The following MAP3K9 variants were observed in gnomAD, a reference collection of about 807,000 sequenced individuals.
MAP3K9 encodes mixed lineage kinase 1 (tyr and ser/thr specificity).
In MAP3K9, 46 loss-of-function variants were observed where a neutral mutation model predicts 95.8. The ratio of observed to expected loss-of-function variants is 0.48; its 90% CI spans 0.38 to 0.61. The LOEUF (loss-of-function observed/expected upper bound fraction) is 0.61. Among genes scored for constraint, MAP3K9 ranks in the 20% least tolerant of loss-of-function variants. The pLI, the probability that MAP3K9 is intolerant of heterozygous loss-of-function variation, is 0.00. For synonymous variants in MAP3K9, 533 were observed against 593.8 expected (o/e 0.90, Z 1.49); for missense variants, 1,296 against 1,474.3 (o/e 0.88, Z 1.98).
At chr14:70,774,971 A>G (rs2054576930) in intron 2 of MAP3K9, among the ~76,000 whole-genome samples, 1 of 116,166 alleles carries the variant, frequency 8.6e-6, no homozygotes, top group Non-Finnish European at 1.7e-5. Flanking sequence ...AGACAGAGTG[A>G]GACTCTGTCC....
chr14:70,752,191 T>C (rs897923077), intron 3 of MAP3K9, among the ~76,000 whole-genome samples: 3 of 152,236 alleles, frequency 2.0e-5, no homozygotes, highest in African/African-American at 4.8e-5. Context: ...GGGAATAGCA[T>C]TGGATACTTT....
At position 70,730,713 on chromosome 14, in the gene MAP3K9, C is replaced by T; in HGVS notation, c.2982G>A (p.Arg994=). ...ERPKTLEFLP[R]PRPSANRQRL... is the part of the protein sequence containing the mutation. ...GTTGCCGGTTGGCAGAAGGACGCGG[C>T]CGAGGCAGAAACTCCAGAGTCTTGG... The change falls in exon 12 of 12, where the codon CGG becomes CGA. Residue 994 remains arginine (R), a synonymous_variant. Transcript: ENST00000554752. 1 of 1,613,822 alleles carries T rather than the reference C, an allele frequency of 6.2e-7. No homozygotes were observed. The highest frequency in any genetic ancestry group is 1.7e-5 in the Admixed American group (1 of 60,012).
At chr14:70,783,909 T>C (rs1478710599) in intron 2 of MAP3K9, among the ~76,000 whole-genome samples, 1 of 152,234 alleles carries the variant, frequency 6.6e-6, no homozygotes, top group Non-Finnish European at 1.5e-5. Flanking sequence ...ATATTACTTT[T>C]CTGGTTAAAA....
At chr14:70,806,264 A>C (rs1390549873) in intron 1 of MAP3K9, among the ~76,000 whole-genome samples, 2 of 152,212 alleles carry the variant, frequency 1.3e-5, no homozygotes, top group African/African-American at 4.8e-5. Flanking sequence ...CACTGCACTG[A>C]AGTTTTATAT....
chr14:70,808,603 A>C (rs2055021304), intron 1 of MAP3K9, among the ~76,000 whole-genome samples, 163 bp downstream of exon 1: 1 of 151,806 alleles, frequency 6.6e-6, no homozygotes, highest in Non-Finnish European at 1.5e-5. Flanking sequence ...TTATCCAGCA[A>C]GCAAAGCCCG....
Position 70,809,269 on chromosome 14 carries a change from C to CA in MAP3K9, c.-99_-98insT, listed in dbSNP as rs940420123. 1.2e-5 allele frequency: 15 copies of CA among 1,232,176 alleles called. No homozygotes were observed. Among genetic ancestry groups the CA allele is most frequent in the South Asian group, 3.9e-5 (1 of 25,726 alleles). The allele number at this position is 1,232,176 out of a possible 1,614,324, so 76.3% of individuals were successfully genotyped here. A position where few individuals can be genotyped will look rare whatever the true frequency, so the allele number is the denominator to read the frequency against. ...TCCGCAGAGCTGGGAGGACCCCCCC[C>CA]CAACGACGGCGGCCGCAGGTAGGGC... On this transcript the variant is annotated 5_prime_UTR_variant, in exon 1 of 12. Transcript: ENST00000554752.
At position 70,808,967 on chromosome 14, in the gene MAP3K9, C is replaced by T. The variant is rs766300372; in HGVS notation, c.205G>A (p.Asp69Asn). 9 of 1,572,204 alleles carry T rather than the reference C, an allele frequency of 5.7e-6. 1 individual carries two copies. In the South Asian group the frequency reaches 9.3e-5, roughly 16 times the overall value. Residue 69 changes from aspartate to asparagine, a missense_variant, in exon 1 of 12, where the codon GAC becomes AAC. Physicochemically the swap from Asp to Asn is conservative, Grantham distance 23. Coordinates refer to ENST00000554752, the MANE Select transcript of MAP3K9 (RefSeq NM_001284230.2). ...TCGCCCAGCCGCAGGGTCAGCTCGT[C>T]CTCGCCCGCCGCCTCGTACTCGAAC... ...AVFEYEAAGEDELTLRLGDVV... is the reference protein window; with the variant it reads ...AVFEYEAAGENELTLRLGDVV...
At chr14:70,746,600 G>A (rs1269528125) in intron 5 of MAP3K9, among the ~76,000 whole-genome samples, 1 of 152,236 alleles carries the variant, frequency 6.6e-6, no homozygotes, top group Non-Finnish European at 1.5e-5. Flanking sequence ...ATCATTAACT[G>A]TGTGGTCTTG....
chr14:70,735,515 A>C (rs2139712700), intron 9 of MAP3K9, among the ~76,000 whole-genome samples: 1 of 152,240 alleles, frequency 6.6e-6, no homozygotes, highest in African/African-American at 2.4e-5. Context: ...CAGCAAATTA[A>C]AGTACATCCC....
chr14:70,769,661 G>A (rs1009342782), intron 2 of MAP3K9, among the ~76,000 whole-genome samples: 4 of 152,212 alleles, frequency 2.6e-5, no homozygotes, highest in Non-Finnish European at 4.4e-5. Context: ...GCAGTTGCCA[G>A]TAGTTTTTAG....
chr14:70,778,181 C>A (rs892469421), intron 2 of MAP3K9, among the ~76,000 whole-genome samples: 6 of 151,998 alleles, frequency 3.9e-5, no homozygotes, highest in Admixed American at 3.3e-4. Flanking sequence ...CAGCTCACTG[C>A]AACCTCTGCC....
chr14:70,783,392 C>T (rs2054707324), intron 2 of MAP3K9: 30 of 985,430 alleles, frequency 3.0e-5, no homozygotes, highest in Non-Finnish European at 3.6e-5. Flanking sequence ...ATTCCATCCA[C>T]TGTCCTTATA....
At position 70,730,355 on chromosome 14, in the gene MAP3K9, C is replaced by G; in HGVS notation, c.*25G>C. 1 of 1,585,264 alleles carries G rather than the reference C, an allele frequency of 6.3e-7. No homozygotes were observed. The highest frequency in any genetic ancestry group is 8.6e-7 in the Non-Finnish European group (1 of 1,160,254). On this transcript the variant is annotated 3_prime_UTR_variant, in exon 12 of 12. Transcript: ENST00000554752. The stretch of plus-strand genomic sequence containing the variant: ...CCCCTCATCTCCGCTGGCTGTCCCC[C>G]TTGCCCGCCCCAATCCTTTTCGTGC...
intron 3 of MAP3K9, among the ~76,000 whole-genome samples, chr14:70,754,443 A>G (rs1388812657): frequency 6.6e-6 from 1 of 152,136 alleles, no homozygotes; most frequent in African/African-American, 2.4e-5. Flanking sequence ...TTGTTTACCC[A>G]TATTTTCAAA....
chr14:70,783,794 G>C (rs1469224845), intron 2 of MAP3K9, among the ~76,000 whole-genome samples: 1 of 151,938 alleles, frequency 6.6e-6, no homozygotes, highest in Non-Finnish European at 1.5e-5. Context: ...ACCCCAGAAA[G>C]GCCCGCTCAC....
At chr14:70,795,524 C>T (rs2054855048) in intron 2 of MAP3K9, among the ~76,000 whole-genome samples, 1 of 147,840 alleles carries the variant, frequency 6.8e-6, no homozygotes, top group Non-Finnish European at 1.5e-5. Flanking sequence ...GTTGCCTAGG[C>T]TGGTCTCAAA....
At chr14:70,735,772 A>T (rs990815153) in intron 9 of MAP3K9, among the ~76,000 whole-genome samples, 189 bp downstream of exon 9, 1 of 152,148 alleles carries the variant, frequency 6.6e-6, no homozygotes, top group Non-Finnish European at 1.5e-5. Context: ...GAATATGGTA[A>T]AATTAGATCA....
intron 2 of MAP3K9, among the ~76,000 whole-genome samples, chr14:70,779,087 G>A (rs2054639244): frequency 6.6e-6 from 1 of 152,194 alleles, no homozygotes; most frequent in South Asian, 2.1e-4. Flanking sequence ...GAGGGCTGAG[G>A]GGCCTTGACA....
At chr14:70,798,161 T>G (rs1458706722) in intron 2 of MAP3K9, among the ~76,000 whole-genome samples, 1 of 152,174 alleles carries the variant, frequency 6.6e-6, no homozygotes, top group Non-Finnish European at 1.5e-5. Context: ...ACAGGGTAAC[T>G]TTTCCTGCAT....
Sources: gnomAD v4.1 joint callset for allele counts (sites outside exome capture counted in the v4.1 genomes callset) on GRCh38, gnomAD v4.1.1 for gene constraint, MANE v1.5 for transcripts, NCBI Gene and HGNC (gene_info 2026-07-23, HGNC 2026-07-21) for gene names.